Variants in UBE2L5 observed in about 807,000 individuals in gnomAD.
UBE2L5 encodes the protein ubiquitin-conjugating enzyme E2 L5.
UBE2L5 carries 3 observed loss-of-function variants against 10.0 expected under a neutral mutation model. The observed-to-expected ratio is 0.30, with a 90% CI of 0.14 to 0.78. The LOEUF (loss-of-function observed/expected upper bound fraction) is 0.78, where lower values mean the gene tolerates loss of function less well. Ranked by LOEUF, UBE2L5 falls within the 30% of genes least tolerant of loss-of-function variation. UBE2L5 has a pLI of 0.65. For synonymous variants in UBE2L5, 60 were observed against 71.9 expected (o/e 0.83, Z 0.83); for missense variants, 131 against 193.3 (o/e 0.68, Z 1.91).
At chr13:30,425,552 C>T (rs1031268253) in intron 2 of UBE2L5, among the ~76,000 whole-genome samples, 1 of 152,208 alleles carries the variant, frequency 6.6e-6, no homozygotes, top group African/African-American at 2.4e-5. Flanking sequence ...GTCGCTCCTC[C>T]CCACCCAGCG....
chr13:30,429,592 C>A lies in UBE2L5; in HGVS notation c.*1137C>A, dbSNP rs140282646. Among the ~76,000 whole-genome samples, 59 of 152,196 alleles carry A rather than the reference C, an allele frequency of 3.9e-4. No homozygotes were observed. The highest frequency in any genetic ancestry group is 1.2e-3 in the Admixed American group (19 of 15,282). On this transcript the variant is annotated 3_prime_UTR_variant, in exon 4 of 4. Transcript: ENST00000635918. ...AAGGACTTTTTGACAAGCTGCACTT[C>A]CCTGCTTTAGTAATTGGTGATAAGA...
intron 2 of UBE2L5, among the ~76,000 whole-genome samples, chr13:30,426,061 A>T (rs895479565): frequency 1.3e-5 from 2 of 152,118 alleles, no homozygotes; most frequent in African/African-American, 2.4e-5. Flanking sequence ...TTGTAATCCC[A>T]GCACTTTGGG....
At chr13:30,425,402 A>G (rs931275011) in intron 2 of UBE2L5, among the ~76,000 whole-genome samples, 7 of 152,208 alleles carry the variant, frequency 4.6e-5, no homozygotes, top group Non-Finnish European at 1.0e-4. Flanking sequence ...CTTGGCATTC[A>G]AAGGTAGGTG....
At chr13:30,426,147 C>A (rs2137358830) in intron 2 of UBE2L5, among the ~76,000 whole-genome samples, 1 of 152,082 alleles carries the variant, frequency 6.6e-6, no homozygotes, top group South Asian at 2.1e-4. Flanking sequence ...CCCATCTCTA[C>A]TAAAAATACA....
In UBE2L5 at chr13:30,428,109, T is replaced by C. The variant is rs757298540; in HGVS notation, c.119T>C (p.Val40Ala). ...ANLLTWQGLI[V>A]PDNPPYNKGA... ...TTATTGACTTGGCAAGGGCTTATTG[T>C]TCCTGACAACCCTCCGTATAATAAG... Residue 40 changes from valine to alanine, a missense_variant, in exon 4 of 4, where the codon GTT (valine) becomes GCT (alanine). Transcript: ENST00000635918. 2.2e-5 allele frequency: 36 copies of C among 1,610,762 alleles called. No individual in the cohort carries two copies. The highest frequency in any genetic ancestry group is 3.1e-5 in the Non-Finnish European group (36 of 1,176,890).
rs1032889063 is a variant in UBE2L5, at chr13:30,428,979, A to G, written c.*524A>G. On this transcript the variant is annotated 3_prime_UTR_variant, in exon 4 of 4. Transcript: ENST00000635918. ...CCCGTTGAACTGACATTTAGATTGA[A>G]ATACCTGCGAGCCGGGTTTGGTGGC... 6.6e-6 allele frequency among the ~76,000 whole-genome samples: 1 copy of G among 151,682 alleles called. No individual in the cohort carries two copies. The highest frequency in any genetic ancestry group is 2.4e-5 in the African/African-American group (1 of 41,296).
At chr13:30,425,392 C>G (rs1455966768) in intron 2 of UBE2L5, among the ~76,000 whole-genome samples, 1 of 152,200 alleles carries the variant, frequency 6.6e-6, no homozygotes, top group Non-Finnish European at 1.5e-5. Flanking sequence ...GAGGCAGGCA[C>G]TTGGCATTCA....
chr13:30,426,038 C>G lies in UBE2L5; in HGVS notation c.-684-687C>G, dbSNP rs149184784. On this transcript the variant is annotated intron_variant, in intron 2 of 3. Coordinates refer to ENST00000635918, the MANE Select transcript of UBE2L5 (RefSeq NM_001355247.2). ...TCAAAAAAAGAAAAAAGGCCAGGCACAGTGGCTCACGCTTGTAATCCCAGC... is the reference window on the plus strand; with the variant it reads ...TCAAAAAAAGAAAAAAGGCCAGGCAGAGTGGCTCACGCTTGTAATCCCAGC... 8.5e-3 allele frequency among the ~76,000 whole-genome samples: 1,262 copies of G among 148,010 alleles called. 13 individuals carry two copies. Among genetic ancestry groups the G allele is most frequent in the African/African-American group, 0.029 (1,148 of 39,894 alleles).
chr13:30,428,069 G>A lies in UBE2L5; in HGVS notation c.79G>A (p.Val27Ile). The A allele has an allele frequency of 1.2e-6, 2 of 1,611,096 alleles. No homozygotes were observed. Among genetic ancestry groups the A allele is most frequent in the Non-Finnish European group, 1.7e-6 (2 of 1,177,260 alleles). The change falls in exon 4 of 4, where the codon GTT becomes ATT. Residue 27 changes from valine to isoleucine, a missense_variant. By Grantham distance (29) the Val-to-Ile change is conservative. Coordinates refer to ENST00000635918, the MANE Select transcript of UBE2L5 (RefSeq NM_001355247.2). Reference sequence around the variant, plus strand: ...AATGGAAAACTTCCGTAACATCCAGGTTGATGAAGCTAATTTATTGACTTG... The same window carrying A: ...AATGGAAAACTTCCGTAACATCCAGATTGATGAAGCTAATTTATTGACTTG... ...CGMENFRNIQ[V>I]DEANLLTWQG...
rs66628025 is a variant in UBE2L5, at chr13:30,429,127, CAAAT to C, written c.*676_*679del. On this transcript the variant is annotated 3_prime_UTR_variant, in exon 4 of 4. Coordinates refer to ENST00000635918, the MANE Select transcript of UBE2L5 (RefSeq NM_001355247.2). ...CTCTATTAAAAATAAAATAAATAAA[CAAAT>C]AAAAGTAGCCGGGCGTGGTGGCAGA... Among the ~76,000 whole-genome samples, 73,938 of 151,416 alleles carry C rather than the reference CAAAT, an allele frequency of 0.49. 20,385 individuals carry two copies. The highest frequency in any genetic ancestry group is 0.75 in the Middle Eastern group (220 of 292).
rs1051592418 is a variant in UBE2L5 at position 30,428,957 on chromosome 13, G to T, written c.*502G>T. ...ATTTTTGTTTTAATTGATGTTTCCC[G>T]TTGAACTGACATTTAGATTGAAATA... On this transcript the variant is annotated 3_prime_UTR_variant, in exon 4 of 4. Coordinates refer to ENST00000635918, the MANE Select transcript of UBE2L5 (RefSeq NM_001355247.2). 6.8e-6 allele frequency among the ~76,000 whole-genome samples: 1 copy of T among 147,530 alleles called. No homozygotes were observed. The highest frequency in any genetic ancestry group is 1.5e-5 in the Non-Finnish European group (1 of 67,564).
chr13:30,427,587 G>A lies in UBE2L5; in HGVS notation c.-404G>A. On this transcript the variant is annotated 5_prime_UTR_variant, in exon 4 of 4. Transcript: ENST00000635918. Reference sequence around the variant, plus strand: ...GACTAACGCGGGCGGATCACTTGAGGTCAGGAGTTCGAGACTAGCCAGGCC... The same window carrying A: ...GACTAACGCGGGCGGATCACTTGAGATCAGGAGTTCGAGACTAGCCAGGCC... 5.2e-6 allele frequency: 1 copy of A among 192,720 alleles called. No homozygotes were observed. The highest frequency in any genetic ancestry group is 1.0e-4 in the South Asian group (1 of 9,796). The allele number at this position is 192,720 out of a possible 1,614,324, so 11.9% of individuals were successfully genotyped here.
rs561333311 is a variant in UBE2L5 at position 30,422,562 on chromosome 13, A to G, written c.-894A>G. On this transcript the variant is annotated 5_prime_UTR_variant, in exon 1 of 4. Transcript: ENST00000635918. ...TTGATGCTCTTTGGTTTTACAGTGG[A>G]AAACTACAATTAAAAAAACATAGCC... The G allele has an allele frequency of 2.6e-5, 4 of 152,296 alleles. No individual in the cohort carries two copies. Among genetic ancestry groups the G allele is most frequent in the East Asian group, 3.9e-4 (2 of 5,190 alleles). The allele number at this position is 152,296 out of a possible 1,614,324, so 9.4% of individuals were successfully genotyped here. A position where few individuals can be genotyped will look rare whatever the true frequency, so the allele number is the denominator to read the frequency against.
At chr13:30,424,749 A>C (rs2137358034) in intron 1 of UBE2L5, 59 bp from the exon 2 acceptor site, 1 of 152,376 alleles carries the variant, frequency 6.6e-6, no homozygotes, top group South Asian at 2.1e-4. Flanking sequence ...CATCTTGAAC[A>C]GTACCTGGCC....
chr13:30,428,536 T>C lies in UBE2L5; in HGVS notation c.*81T>C, dbSNP rs1036746973. 6.7e-7 allele frequency: 1 copy of C among 1,495,346 alleles called. No homozygotes were observed. The highest frequency in any genetic ancestry group is 2.4e-5 in the Admixed American group (1 of 42,096). The allele number at this position is 1,495,346 out of a possible 1,614,324, so 92.6% of individuals were successfully genotyped here. A position where few individuals can be genotyped will look rare whatever the true frequency, so the allele number is the denominator to read the frequency against. On this transcript the variant is annotated 3_prime_UTR_variant, in exon 4 of 4. Transcript: ENST00000635918. ...AGACACCCCGCAAAGCAGGACTCTG[T>C]GGAAATTGATACGTGCCACCGTCTG... is the stretch of plus-strand genomic sequence containing the variant.
chr13:30,425,071 G>T (rs12877352), intron 2 of UBE2L5, among the ~76,000 whole-genome samples, 170 bp downstream of exon 2: 50,866 of 152,074 alleles, frequency 0.33, 9,290 homozygotes, highest in East Asian at 0.4. Context: ...GGATACCTGC[G>T]TTACATTCCA....
chr13:30,424,448 G>A (rs144572988), intron 1 of UBE2L5, among the ~76,000 whole-genome samples: 1 of 152,274 alleles, frequency 6.6e-6, no homozygotes, highest in Non-Finnish European at 1.5e-5. Context: ...CCTGAAGGCA[G>A]GCACAACATG....
At position 30,427,881 on chromosome 13, in the gene UBE2L5, G is replaced by C. The variant is rs961819351; in HGVS notation, c.-110G>C. On this transcript the variant is annotated 5_prime_UTR_variant, in exon 4 of 4. Transcript: ENST00000635918. ...CAGTGGGCAAGTTGCTTTGCTCAGC[G>C]TAAGTTCAAACTGCCACATCAGAAC... The C allele has an allele frequency of 1.2e-5, 9 of 770,574 alleles. No homozygotes were observed. Among genetic ancestry groups the C allele is most frequent in the Admixed American group, 1.0e-4 (5 of 49,778 alleles). 47.7% of individuals were successfully genotyped at this position (770,574 alleles called of 1,614,324 possible).
chr13:30,425,677 T>G (rs2137358527), intron 2 of UBE2L5, among the ~76,000 whole-genome samples: 1 of 152,374 alleles, frequency 6.6e-6, no homozygotes, highest in East Asian at 1.9e-4. Flanking sequence ...GGGACTTAAT[T>G]TCCTTGGACA....
Sources: gnomAD v4.1 joint callset for allele counts (sites outside exome capture counted in the v4.1 genomes callset) on GRCh38, gnomAD v4.1.1 for gene constraint, MANE v1.5 for transcripts, NCBI Gene and HGNC (gene_info 2026-07-23, HGNC 2026-07-21) for gene names.